Variants in SOST observed in about 807,000 individuals in gnomAD.
The protein encoded by SOST is sclerosteosis.
A neutral mutation model predicts 16.7 loss-of-function variants in SOST; 14 were observed. The observed-to-expected ratio is 0.84, with a 90% confidence interval of 0.55 to 1.31. The LOEUF is 1.31. Among genes scored for constraint, SOST ranks in the 50% most tolerant of loss-of-function variants. SOST has a pLI of 0.00. For synonymous variants in SOST, 150 were observed against 140.9 expected (o/e 1.06, Z -0.46); for missense variants, 291 against 310.7 (o/e 0.94, Z 0.48).
chr17:43,756,887 G>A (rs184607277), intron 1 of SOST, among the ~76,000 whole-genome samples: 106 of 152,274 alleles, frequency 7.0e-4, no homozygotes, highest in African/African-American at 2.4e-3. Flanking sequence ...ATAGCTGGTC[G>A]TCGTGTGAGT....
In SOST at chr17:43,758,784, G is replaced by A. The variant is rs1184658150; in HGVS notation, c.-43C>T. ...GGCACGCCACCTTCCAGTAGCACAG[G>A]CTCTGGTCTCCAGCCGAGACACGGT... On this transcript the variant is annotated 5_prime_UTR_variant, in exon 1 of 2. Transcript: ENST00000301691. 2 of 1,511,616 alleles carry A rather than the reference G, an allele frequency of 1.3e-6. No individual in the cohort carries two copies. Among genetic ancestry groups the A allele is most frequent in the Non-Finnish European group, 1.8e-6 (2 of 1,092,144 alleles). 93.6% of individuals were successfully genotyped at this position (1,511,616 alleles called of 1,614,324 possible).
chr17:43,756,473 G>T (rs1974131633), intron 1 of SOST, among the ~76,000 whole-genome samples: 1 of 152,184 alleles, frequency 6.6e-6, no homozygotes, highest in Non-Finnish European at 1.5e-5. Flanking sequence ...AGAATACTGA[G>T]GCCCAGCCAG....
intron 1 of SOST, among the ~76,000 whole-genome samples, chr17:43,756,635 C>T (rs1319010115): frequency 6.6e-6 from 1 of 152,178 alleles, no homozygotes; most frequent in Non-Finnish European, 1.5e-5. Flanking sequence ...CTGCTTTTTA[C>T]TGTCGTTACT....
chr17:43,756,416 C>T (rs1456774714), intron 1 of SOST, among the ~76,000 whole-genome samples: 10 of 152,166 alleles, frequency 6.6e-5, no homozygotes, highest in Non-Finnish European at 1.5e-5. Flanking sequence ...ATTCATTAGA[C>T]TTGAAAGGAA....
rs373309667 is a variant in SOST at position 43,758,544 on chromosome 17, G to A, written c.198C>T (p.Pro66=). The A allele has an allele frequency of 2.7e-5, 44 of 1,613,826 alleles. No individual in the cohort carries two copies. The highest frequency in any genetic ancestry group is 2.4e-4 in the African/African-American group (18 of 74,902). Residue 66 remains proline, a synonymous_variant, in exon 1 of 2, where the codon CCC becomes CCT. Coordinates refer to ENST00000301691, the MANE Select transcript of SOST (RefSeq NM_025237.3). ...TACCTTTGGTCTCAAAGGGGTGGTG[G>A]GGAGGCCGCCCTCCGTTCTCCGCCC... The part of the protein sequence containing the change: ...MNRAENGGRP[P]HHPFETKDVS...
At position 43,755,542 on chromosome 17, in the gene SOST, A is replaced by G; in HGVS notation, c.442T>C (p.Cys148Arg). 1.9e-6 allele frequency: 3 copies of G among 1,595,678 alleles called. No homozygotes were observed. The highest frequency in any genetic ancestry group is 1.4e-5 in the African/African-American group (1 of 73,728). ...GCGCGCGGCGCCTCACCACCGGGAC[A>G]CAGCAGCTGCACGCGCTGCGCGCGG... is the stretch of plus-strand genomic sequence containing the variant. ...RYRAQRVQLL[C>R]PGGEAPRARK... is the part of the protein sequence containing the mutation. Residue 148 changes from cysteine to arginine, a missense_variant, in exon 2 of 2, where the codon TGT becomes CGT. Coordinates refer to ENST00000301691, the MANE Select transcript of SOST (RefSeq NM_025237.3). This position sits in a 1 kb window ranked among gnomAD's most constrained non-coding sequence, Gnocchi z 4.3.
At position 43,758,312 on chromosome 17, in the gene SOST, G is replaced by A. The variant is rs948366815; in HGVS notation, c.220+210C>T. Among the ~76,000 whole-genome samples the A allele has an allele frequency of 3.3e-5, 5 of 152,114 alleles. No homozygotes were observed. The East Asian group carries it at 7.7e-4, about 23-fold the overall frequency. ...CTCCCTGCCCTGGGCTCTCACCAGC[G>A]TCTGTTGCCTCATGCCTCTGCACCT... On this transcript the variant is annotated intron_variant, in intron 1 of 1. Transcript: ENST00000301691.
At chr17:43,757,908 C>G (rs763960915) in intron 1 of SOST, among the ~76,000 whole-genome samples, 1 of 152,212 alleles carries the variant, frequency 6.6e-6, no homozygotes, top group Non-Finnish European at 1.5e-5. Context: ...TTGTGGAGAT[C>G]TGTCCCCCAC....
Position 43,758,712 on chromosome 17 carries a change from G to C in SOST, c.30C>G (p.Val10=), listed in dbSNP as rs758535976. 6.2e-7 allele frequency: 1 copy of C among 1,613,878 alleles called. No homozygotes were observed. Among genetic ancestry groups the C allele is most frequent in the East Asian group, 2.2e-5 (1 of 44,880 alleles). Reference sequence around the variant, plus strand: ...GGAAGGCTGTGTGTACCAGCAGGCAGACGAGACACAGGGCCAGTGGGAGCT... The same window carrying C: ...GGAAGGCTGTGTGTACCAGCAGGCACACGAGACACAGGGCCAGTGGGAGCT... MQLPLALCL[V]CLLVHTAFRV... is the part of the protein sequence containing the mutation. The change falls in exon 1 of 2, where the codon GTC becomes GTG. Residue 10 remains valine (V), a synonymous_variant. Transcript: ENST00000301691.
chr17:43,757,461 G>A lies in SOST; in HGVS notation c.220+1061C>T, dbSNP rs149663855. ...CCATAGTCCCAACAGGTTGTGAGGCGGGGAGGGCTGGGGTCCAGGAGCCTG... is the reference window on the plus strand; with the variant it reads ...CCATAGTCCCAACAGGTTGTGAGGCAGGGAGGGCTGGGGTCCAGGAGCCTG... On this transcript the variant is annotated intron_variant, in intron 1 of 1. Transcript: ENST00000301691. Among the ~76,000 whole-genome samples the A allele has an allele frequency of 3.5e-3, 529 of 152,244 alleles. 6 individuals are homozygous for A. The highest frequency in any genetic ancestry group is 7.7e-3 in the Admixed American group (118 of 15,302).
rs1410809634 is a variant in SOST, at chr17:43,753,816, T to C, written c.*1526A>G. 5 of 152,654 alleles carry C rather than the reference T, an allele frequency of 3.3e-5. No individual in the cohort carries two copies. The highest frequency in any genetic ancestry group is 5.9e-5 in the Non-Finnish European group (4 of 68,040). The allele number at this position is 152,654 out of a possible 1,614,324, so 9.5% of individuals were successfully genotyped here. On this transcript the variant is annotated 3_prime_UTR_variant, in exon 2 of 2. Transcript: ENST00000301691. ...GTTAATTCATAAAGCAATATTAACA[T>C]TGTCATTCTCTACAAGAAAAACTTT... is the stretch of plus-strand genomic sequence containing the variant.
chr17:43,758,670 C>T lies in SOST; in HGVS notation c.72G>A (p.Gln24=), dbSNP rs745824050. 1.2e-6 allele frequency: 2 copies of T among 1,614,188 alleles called. No individual in the cohort carries two copies. Among genetic ancestry groups the T allele is most frequent in the Non-Finnish European group, 1.7e-6 (2 of 1,180,038 alleles). Residue 24 remains glutamine (Q), a synonymous_variant, in exon 1 of 2, where the codon CAG becomes CAA. Coordinates refer to ENST00000301691, the MANE Select transcript of SOST (RefSeq NM_025237.3). ...VHTAFRVVEG[Q]GWQAFKNDAT... ...CATCATTCTTGAACGCCTGCCACCC[C>T]TGGCCCTCCACTACACGGAAGGCTG...
At position 43,758,743 on chromosome 17, in the gene SOST, G is replaced by T; in HGVS notation, c.-2C>A. ...ACACAGGGCCAGTGGGAGCTGCATG[G>T]TACCAGCCAGAGGAGGGCACGCCAC... On this transcript the variant is annotated 5_prime_UTR_variant, in exon 1 of 2. Coordinates refer to ENST00000301691, the MANE Select transcript of SOST (RefSeq NM_025237.3). The T allele has an allele frequency of 6.2e-7, 1 of 1,612,074 alleles. No individual in the cohort carries two copies. The highest frequency in any genetic ancestry group is 8.5e-7 in the Non-Finnish European group (1 of 1,179,736).
intron 1 of SOST, among the ~76,000 whole-genome samples, chr17:43,757,309 TC>T (rs1974140967): frequency 6.6e-6 from 1 of 152,218 alleles, no homozygotes; most frequent in Admixed American, 6.5e-5. Flanking sequence ...TTACAGCCCT[TC>T]AGGCAGTCGC....
chr17:43,755,570 G>T lies in SOST; in HGVS notation c.414C>A (p.Arg138=). The change falls in exon 2 of 2, where the codon CGC becomes CGA. Residue 138 remains arginine, a synonymous_variant. Transcript: ENST00000301691. The surrounding 1 kb of genome is among the most constrained non-coding windows in gnomAD (Gnocchi z 4.3). ...GCAGCTGCACGCGCTGCGCGCGGTAGCGGTCGGGGATGCAGCGGAAGTCGG... is the reference window on the plus strand; with the variant it reads ...GCAGCTGCACGCGCTGCGCGCGGTATCGGTCGGGGATGCAGCGGAAGTCGG... ...SGPDFRCIPD[R]YRAQRVQLLC... is the part of the protein sequence containing the mutation. The T allele has an allele frequency of 1.9e-6, 3 of 1,594,494 alleles. No individual in the cohort carries two copies. Among genetic ancestry groups the T allele is most frequent in the Non-Finnish European group, 2.6e-6 (3 of 1,176,130 alleles).
Position 43,754,842 on chromosome 17 carries a change from C to G in SOST, c.*500G>C. 6.5e-6 allele frequency: 1 copy of G among 153,790 alleles called. No individual in the cohort carries two copies. The highest frequency in any genetic ancestry group is 1.4e-5 in the Non-Finnish European group (1 of 69,174). The allele number at this position is 153,790 out of a possible 1,614,324, so 9.5% of individuals were successfully genotyped here. Reference sequence around the variant, plus strand: ...AGGAGAATTGTGTAGTTCAAGGTTACACAGCAAGTTAGTGGCAGAGCCAGG... The same window carrying G: ...AGGAGAATTGTGTAGTTCAAGGTTAGACAGCAAGTTAGTGGCAGAGCCAGG... On this transcript the variant is annotated 3_prime_UTR_variant, in exon 2 of 2. Transcript: ENST00000301691.
At position 43,758,570 on chromosome 17, in the gene SOST, G is replaced by A. The variant is rs750840300; in HGVS notation, c.172C>T (p.Arg58Trp). ...PELENNKTMN[R>W]AENGGRPPHH... ...GGAGGCCGCCCTCCGTTCTCCGCCCGGTTCATGGTCTTGTTGTTCTCCAGC... is the reference window on the plus strand; with the variant it reads ...GGAGGCCGCCCTCCGTTCTCCGCCCAGTTCATGGTCTTGTTGTTCTCCAGC... The change falls in exon 1 of 2, where the codon CGG (arginine) becomes TGG (tryptophan). Residue 58 changes from arginine to tryptophan, a missense_variant. Physicochemically the swap from Arg to Trp is moderately radical, Grantham distance 101. Coordinates refer to ENST00000301691, the MANE Select transcript of SOST (RefSeq NM_025237.3). The A allele has an allele frequency of 6.8e-6, 11 of 1,614,016 alleles. No individual in the cohort carries two copies. The highest frequency in any genetic ancestry group is 2.7e-5 in the African/African-American group (2 of 74,934).
chr17:43,755,627 G>C lies in SOST; in HGVS notation c.357C>G (p.Ile119Met), dbSNP rs1367907215. 5 of 1,581,720 alleles carry C rather than the reference G, an allele frequency of 3.2e-6. No individual in the cohort carries two copies. Among genetic ancestry groups the C allele is most frequent in the Non-Finnish European group, 4.3e-6 (5 of 1,170,956 alleles). Residue 119 changes from isoleucine (I) to methionine (M), a missense_variant, in exon 2 of 2, where the codon ATC (isoleucine) becomes ATG (methionine). By Grantham distance (10) the Ile-to-Met change is conservative. Transcript: ENST00000301691. This position sits in a 1 kb window ranked among gnomAD's most constrained non-coding sequence, Gnocchi z 4.3. Reference sequence around the variant, plus strand: ...TAGGTCGCCACCACTTGCCGCGGCCGATGGCGTTGGGCAGCAGGCGCGCCG... The same window carrying C: ...TAGGTCGCCACCACTTGCCGCGGCCCATGGCGTTGGGCAGCAGGCGCGCCG... ...CGPARLLPNA[I>M]GRGKWWRPSG...
At chr17:43,757,181 G>A (rs1199018458) in intron 1 of SOST, among the ~76,000 whole-genome samples, 3 of 152,254 alleles carry the variant, frequency 2.0e-5, no homozygotes, top group African/African-American at 4.8e-5. Flanking sequence ...CGAGAATAGC[G>A]CCCCTAGGCC....
Sources: allele counts gnomAD v4.1 joint callset (sites outside exome capture counted in the v4.1 genomes callset), GRCh38; gene constraint gnomAD v4.1.1; non-coding constraint Gnocchi (gnomAD v3.1); transcripts MANE v1.5; gene names NCBI Gene and HGNC (gene_info 2026-07-23, HGNC 2026-07-21).